The following USP36 variants were observed in gnomAD, a reference collection of about 807,000 sequenced individuals.
The protein encoded by USP36 is ubiquitin carboxyl-terminal hydrolase 36.
Under a neutral mutation model 111.5 loss-of-function variants are expected in USP36, and 59 were observed. That is an observed-to-expected ratio of 0.53 (90% CI 0.43 to 0.66). The LOEUF (loss-of-function observed/expected upper bound fraction) is 0.66. Ranked by LOEUF, USP36 falls within the 30% of genes least tolerant of loss-of-function variation. The pLI is 0.00. For missense variants in USP36, 1,488 were observed against 1,468.0 expected, an observed-to-expected ratio of 1.01 and a Z score of -0.22; for synonymous variants, 628 against 581.0, an observed-to-expected ratio of 1.08 and a Z score of -1.16.
upstream of USP36, chr17:78,841,121 C>G (rs2069255396): frequency 6.6e-6 from 1 of 152,246 alleles, no homozygotes; most frequent in Admixed American, 6.5e-5. Flanking sequence ...GCCGAGCACA[C>G]CTGGCGGCGT....
intron 2 of USP36, 136 bp from the exon 3 acceptor site, chr17:78,836,508 AG>A: frequency 1.7e-6 from 2 of 1,163,988 alleles, no homozygotes; most frequent in South Asian, 1.6e-5. Context: ...CCCCTGGATC[AG>A]CTGCACAAAG....
intron 13 of USP36, among the ~76,000 whole-genome samples, chr17:78,809,228 A>C (rs1326410654): frequency 6.6e-6 from 1 of 152,240 alleles, no homozygotes; most frequent in Admixed American, 6.5e-5. Flanking sequence ...TAGTCAATTC[A>C]TAATTCTTCT....
At chr17:78,824,561 T>G (rs2067364701) in intron 6 of USP36, among the ~76,000 whole-genome samples, 1 of 152,150 alleles carries the variant, frequency 6.6e-6, no homozygotes, top group Non-Finnish European at 1.5e-5. Context: ...ATGGTTTATG[T>G]ACAAAGGTAG....
At chr17:78,820,847 T>C (rs2094301388) in intron 8 of USP36, 144 bp downstream of exon 8, 1 of 818,340 alleles carries the variant, frequency 1.2e-6, no homozygotes, top group South Asian at 1.5e-5. Context: ...GTAAAGACAA[T>C]GGTCTGTACT....
chr17:78,812,011 A>C (rs1466615076), intron 13 of USP36, among the ~76,000 whole-genome samples: 1 of 152,196 alleles, frequency 6.6e-6, no homozygotes, highest in Non-Finnish European at 1.5e-5. Context: ...CAACATAGTG[A>C]GACCCTGTCT....
chr17:78,809,433 G>C lies in USP36; in HGVS notation c.1408-1797C>G, dbSNP rs544772639. Among the ~76,000 whole-genome samples, 18 of 152,212 alleles carry C rather than the reference G, an allele frequency of 1.2e-4. No individual in the cohort carries two copies. In the South Asian group the frequency reaches 3.5e-3, roughly 30 times the overall value. ...TGGCTGAACATTTCCATACACACTA[G>C]AACTTGCACCATGTCATTTAGAGTA... On this transcript the variant is annotated intron_variant, in intron 13 of 20. Transcript: ENST00000449938.
chr17:78,824,572 C>G (rs2067366599), intron 6 of USP36, among the ~76,000 whole-genome samples: 1 of 151,880 alleles, frequency 6.6e-6, no homozygotes, highest in Non-Finnish European at 1.5e-5. Context: ...ACAAAGGTAG[C>G]CATTAAAACA....
chr17:78,814,311 A>T, intron 11 of USP36, 101 bp downstream of exon 11: 1 of 1,480,952 alleles, frequency 6.8e-7, no homozygotes, highest in Non-Finnish European at 9.0e-7. Flanking sequence ...ACAAAACATC[A>T]CACTTTTCAC....
intron 1 of USP36, among the ~76,000 whole-genome samples, chr17:78,838,964 C>A (rs1359699276): frequency 6.6e-6 from 1 of 152,138 alleles, no homozygotes. Context: ...TTAACCTTGA[C>A]CCCAGACAAG....
chr17:78,816,264 ATCC>A (rs980557773), intron 10 of USP36, among the ~76,000 whole-genome samples: 1 of 151,998 alleles, frequency 6.6e-6, no homozygotes, highest in African/African-American at 2.4e-5. Flanking sequence ...GACTCAAGCA[ATCC>A]TCCTATCTCT....
At chr17:78,813,026 G>A in intron 12 of USP36, 25 bp from the exon 13 acceptor site, 2 of 1,613,284 alleles carry the variant, frequency 1.2e-6, no homozygotes, top group Non-Finnish European at 1.7e-6. Context: ...AAACAAGTAG[G>A]GAATTCTCTT....
chr17:78,803,893 G>T lies in USP36; in HGVS notation c.2302C>A (p.Pro768Thr). Residue 768 changes from proline to threonine, a missense_variant, in exon 16 of 21, where the codon CCC (proline) becomes ACC (threonine). Pro to Thr is a conservative substitution (Grantham distance 38). Around this residue, in one of 3 missense-constraint regions of USP36, gnomAD observed 1,073 missense variants for 994.1 expected, o/e 1.08. Transcript: ENST00000449938. The surrounding 1 kb of genome is among the most constrained non-coding windows in gnomAD (Gnocchi z 4.6). ...HPTLLSSTPK[P>T]PGTSEPRSCS... ...CTCCGTGGTTCTGACGTCCCTGGGG[G>T]CTTGGGGGTACTGGACAGCAATGTG... 6.2e-7 allele frequency: 1 copy of T among 1,611,170 alleles called. No individual in the cohort carries two copies. Among genetic ancestry groups the T allele is most frequent in the African/African-American group, 1.3e-5 (1 of 74,660 alleles).
intron 5 of USP36, 22 bp from the exon 6 acceptor site, chr17:78,827,369 A>AG: frequency 8.1e-6 from 13 of 1,597,130 alleles, no homozygotes; most frequent in Non-Finnish European, 1.0e-5. Context: ...AGAAACAGGG[A>AG]GGGAAGAGCT....
Position 78,797,260 on chromosome 17 carries a change from C to G in USP36, c.*640G>C, listed in dbSNP as rs2093643170. ...CGAGGGCTCCTCCGACCCCAAATAGCCTCTGCTCTCCAGGACAGTTGAGAG... is the reference window on the plus strand; with the variant it reads ...CGAGGGCTCCTCCGACCCCAAATAGGCTCTGCTCTCCAGGACAGTTGAGAG... On this transcript the variant is annotated 3_prime_UTR_variant, in exon 21 of 21. Coordinates refer to ENST00000449938, the MANE Select transcript of USP36 (RefSeq NM_001385174.1). 1 of 152,234 alleles carries G rather than the reference C, an allele frequency of 6.6e-6. No individual in the cohort carries two copies. Among genetic ancestry groups the G allele is most frequent in the African/African-American group, 2.4e-5 (1 of 41,448 alleles). The allele number at this position is 152,234 out of a possible 1,614,324, so 9.4% of individuals were successfully genotyped here.
chr17:78,812,641 G>T (rs1365082814), intron 13 of USP36, among the ~76,000 whole-genome samples: 2 of 138,826 alleles, frequency 1.4e-5, no homozygotes, highest in Non-Finnish European at 3.1e-5. Flanking sequence ...AGTGAGCCGA[G>T]ATTGGAGATC....
chr17:78,822,039 T>G (rs770982212), intron 6 of USP36, 35 bp from the exon 7 acceptor site: 3 of 1,613,026 alleles, frequency 1.9e-6, no homozygotes, highest in Non-Finnish European at 2.5e-6. Flanking sequence ...AGGGAAGGGC[T>G]CAGCAAGATG....
intron 13 of USP36, among the ~76,000 whole-genome samples, chr17:78,811,999 G>C (rs920975308): frequency 6.6e-6 from 1 of 152,148 alleles, no homozygotes; most frequent in African/African-American, 2.4e-5. Flanking sequence ...GACCAGCCAG[G>C]GCAACATAGT....
downstream of USP36, among the ~76,000 whole-genome samples, chr17:78,795,009 GAA>G (rs78492260): frequency 6.9e-5 from 8 of 115,502 alleles, no homozygotes; most frequent in Non-Finnish European, 7.3e-5. This position sits in a 1 kb window ranked among gnomAD's most constrained non-coding sequence, Gnocchi z 4.5. Flanking sequence ...CTCTGTTCGG[GAA>G]AAAAAAAAAA....
chr17:78,814,242 T>C (rs2094131306), intron 11 of USP36, among the ~76,000 whole-genome samples, 170 bp downstream of exon 11: 1 of 152,206 alleles, frequency 6.6e-6, no homozygotes, highest in Non-Finnish European at 1.5e-5. Context: ...GCAACACTTC[T>C]GTAAAGGGCA....
Sources: gnomAD v4.1 joint callset for allele counts (sites outside exome capture counted in the v4.1 genomes callset) on GRCh38, gnomAD v4.1.1 for gene constraint, gnomAD v4.1.1 regional missense constraint, Gnocchi (gnomAD v3.1) non-coding constraint, MANE v1.5 for transcripts, NCBI Gene and HGNC (gene_info 2026-07-23, HGNC 2026-07-21) for gene names.